The following IRAK1BP1 variants were observed in gnomAD, a reference collection of about 807,000 sequenced individuals.
IRAK1BP1 encodes the protein interleukin-1 receptor-associated kinase 1-binding protein 1.
Under a neutral mutation model 28.0 loss-of-function variants are expected in IRAK1BP1, and 24 were observed. The observed-to-expected ratio is 0.86, with a 90% confidence interval of 0.62 to 1.20. The LOEUF (loss-of-function observed/expected upper bound fraction) is 1.20. Among genes scored for constraint, IRAK1BP1 ranks in the 50% most tolerant of loss-of-function variants. IRAK1BP1 has a pLI of 0.00. For missense variants in IRAK1BP1, 336 were observed against 316.7 expected (o/e 1.06, Z -0.46); for synonymous variants, 131 against 116.3 (o/e 1.13, Z -0.81).
the IRAK1BP1 span, chr6:78,965,877 C>T: frequency 7.9e-7 from 1 of 1,263,346 alleles, no homozygotes; most frequent in Non-Finnish European, 1.2e-6. Context: ...CTCTTTATCT[C>T]TTAATAGATG....
At chr6:78,903,190 C>T (rs1242568290), downstream of IRAK1BP1, 1 of 741,382 alleles carries the variant, frequency 1.3e-6, no homozygotes, top group Non-Finnish European at 2.1e-6. Context: ...AGGGTTTAAA[C>T]TTTATTAGGA....
At chr6:78,887,319 C>G (rs987053597) in intron 2 of IRAK1BP1, among the ~76,000 whole-genome samples, 2 of 152,050 alleles carry the variant, frequency 1.3e-5, no homozygotes, top group Non-Finnish European at 2.9e-5. Flanking sequence ...ACATACAAAT[C>G]AAAACTACAT....
At chr6:78,954,268 AT>A in the IRAK1BP1 span, among the ~76,000 whole-genome samples, 36 of 147,016 alleles carry the variant, frequency 2.4e-4, no homozygotes, top group South Asian at 6.5e-4. Context: ...CGCCTGGCTA[AT>A]TTTTTTTTTT....
chr6:78,940,760 C>G, intron 4 of IRAK1BP1: 1 of 1,613,672 alleles, frequency 6.2e-7, no homozygotes, highest in Non-Finnish European at 8.5e-7. Context: ...ACTAGAAGTT[C>G]CAAAAGTTAA....
the IRAK1BP1 span, among the ~76,000 whole-genome samples, chr6:78,973,825 A>C: frequency 6.6e-6 from 1 of 151,900 alleles, no homozygotes; most frequent in South Asian, 2.1e-4. Context: ...AGAAGAGCTA[A>C]CTATCCTAAA....
At chr6:78,944,684 G>C (rs1018422695) in intron 4 of IRAK1BP1, among the ~76,000 whole-genome samples, 1 of 152,186 alleles carries the variant, frequency 6.6e-6, no homozygotes, top group Non-Finnish European at 1.5e-5. Flanking sequence ...ATTAAATTTT[G>C]AGAGAGGTTT....
At chr6:78,969,758 T>C in the IRAK1BP1 span, 1 of 644,742 alleles carries the variant, frequency 1.6e-6, no homozygotes, top group East Asian at 2.8e-5. Flanking sequence ...TTTTTCTCAA[T>C]TATGAAAAAT....
intron 1 of IRAK1BP1, among the ~76,000 whole-genome samples, chr6:78,873,818 T>C (rs1335905487): frequency 6.6e-6 from 1 of 152,220 alleles, no homozygotes; most frequent in East Asian, 1.9e-4. Context: ...GGAACCTTTG[T>C]AGTATATTAG....
At chr6:78,952,222 C>A in the IRAK1BP1 span, among the ~76,000 whole-genome samples, 2 of 151,968 alleles carry the variant, frequency 1.3e-5, no homozygotes, top group African/African-American at 4.8e-5. Flanking sequence ...AGATTGAGAC[C>A]ATCCTGGCCA....
intron 4 of IRAK1BP1, among the ~76,000 whole-genome samples, chr6:78,924,208 G>T (rs1394233016): frequency 6.6e-6 from 1 of 152,102 alleles, no homozygotes; most frequent in Non-Finnish European, 1.5e-5. Flanking sequence ...GTATCAAATA[G>T]ATGCAATAAA....
At chr6:78,924,151 A>G (rs1772822677) in intron 4 of IRAK1BP1, among the ~76,000 whole-genome samples, 1 of 152,172 alleles carries the variant, frequency 6.6e-6, no homozygotes, top group Non-Finnish European at 1.5e-5. Context: ...GAAAAGATCA[A>G]CAAAATTGAT....
At chr6:78,873,738 T>A (rs576896757) in intron 1 of IRAK1BP1, among the ~76,000 whole-genome samples, 1 of 152,328 alleles carries the variant, frequency 6.6e-6, no homozygotes, top group South Asian at 2.1e-4. Flanking sequence ...CCTGAAGCAC[T>A]GGAATGCCAG....
At chr6:78,927,769 G>A (rs1772931112) in intron 4 of IRAK1BP1, among the ~76,000 whole-genome samples, 1 of 152,000 alleles carries the variant, frequency 6.6e-6, no homozygotes, top group South Asian at 2.1e-4. Context: ...CAGTTTTCCA[G>A]GCACCATTTA....
rs1017689246 is a variant in IRAK1BP1 at position 78,898,839 on chromosome 6, G to A, written c.*505G>A. On this transcript the variant is annotated 3_prime_UTR_variant, in exon 4 of 4. Transcript: ENST00000369940. ...AATAATTTTCCACAACTAAAAATGA[G>A]TATAAATACATAATTTTAAGTGCAT... The A allele has an allele frequency of 1.3e-5, 2 of 152,076 alleles. No individual in the cohort carries two copies. Among genetic ancestry groups the A allele is most frequent in the East Asian group, 1.9e-4 (1 of 5,186 alleles). 9.4% of individuals were successfully genotyped at this position (152,076 alleles called of 1,614,324 possible). A position where few individuals can be genotyped will look rare whatever the true frequency, so the allele number is the denominator to read the frequency against.
intron 1 of IRAK1BP1, among the ~76,000 whole-genome samples, chr6:78,869,293 G>T (rs990427851): frequency 3.3e-5 from 5 of 152,198 alleles, no homozygotes; most frequent in African/African-American, 1.2e-4. Context: ...GCCAAGGCAG[G>T]TGGATCACTT....
At position 78,885,292 on chromosome 6, in the gene IRAK1BP1, T is replaced by G. The variant is rs1771377265; in HGVS notation, c.316-86T>G. Reference sequence around the variant, plus strand: ...TTGCATATTTTATGTTTTTCTGATTTTAATTAGTGTAGGTTTCTAATTTAT... The same window carrying G: ...TTGCATATTTTATGTTTTTCTGATTGTAATTAGTGTAGGTTTCTAATTTAT... On this transcript the variant is annotated intron_variant, in intron 1 of 3. Transcript: ENST00000369940. The G allele has an allele frequency of 8.6e-6, 6 of 693,912 alleles. No individual in the cohort carries two copies. In the South Asian group the frequency reaches 1.2e-4, roughly 14 times the overall value. The allele number at this position is 693,912 out of a possible 1,614,324, so 43.0% of individuals were successfully genotyped here. A position where few individuals can be genotyped will look rare whatever the true frequency, so the allele number is the denominator to read the frequency against.
At chr6:78,961,645 A>T in the IRAK1BP1 span, 1 of 1,592,550 alleles carries the variant, frequency 6.3e-7, no homozygotes, top group East Asian at 2.3e-5. Flanking sequence ...GGGTGGAAAG[A>T]TCACCAGCTT....
chr6:78,913,898 TTTTGACA>T (rs1772489576), intron 4 of IRAK1BP1, among the ~76,000 whole-genome samples: 1 of 152,244 alleles, frequency 6.6e-6, no homozygotes, highest in African/African-American at 2.4e-5. Flanking sequence ...ACTGTTATGC[TTTTGACA>T]TTTGCTAGTT....
chr6:78,942,555 G>A (rs1465841653), intron 4 of IRAK1BP1, among the ~76,000 whole-genome samples: 1 of 152,270 alleles, frequency 6.6e-6, no homozygotes. Context: ...AGTACAGACA[G>A]AAAATGCAAA....
Sources: gnomAD v4.1 joint callset for allele counts (sites outside exome capture counted in the v4.1 genomes callset) on GRCh38, gnomAD v4.1.1 for gene constraint, MANE v1.5 for transcripts, NCBI Gene and HGNC (gene_info 2026-07-23, HGNC 2026-07-21) for gene names.